ABCA4: variants seen among roughly 807,000 people sequenced by gnomAD.
ABCA4 encodes ATP binding cassette subfamily A member 4.
Under a neutral mutation model 263.7 loss-of-function variants are expected in ABCA4, and 196 were observed. That is an observed-to-expected ratio of 0.74 (90% CI 0.66 to 0.84). The LOEUF (loss-of-function observed/expected upper bound fraction) is 0.84. Ranked by LOEUF, ABCA4 falls within the 40% of genes least tolerant of loss-of-function variation. The probability of loss-of-function intolerance (pLI) is 0.00; values close to 1 mark genes in which losing one functional copy is unlikely to be tolerated. For synonymous variants in ABCA4, 1,133 were observed against 1,094.2 expected, an observed-to-expected ratio of 1.04 and a Z score of -0.70; for missense variants, 2,792 against 2,855.1, an observed-to-expected ratio of 0.98 and a Z score of 0.50.
At chr1:94,016,924 A>T (rs1659763426) in intron 36 of ABCA4, among the ~76,000 whole-genome samples, 1 of 152,138 alleles carries the variant, frequency 6.6e-6, no homozygotes, top group African/African-American at 2.4e-5. Context: ...AGCCTGGAAT[A>T]TCTTGCTGTG....
chr1:94,116,975 T>TTTCTTTC (rs1662791014), intron 1 of ABCA4, among the ~76,000 whole-genome samples: 1 of 94,890 alleles, frequency 1.1e-5, no homozygotes, highest in African/African-American at 4.1e-5. Context: ...TTTCTCTTTC[T>TTTCTTTC]TTCTTTCTTT....
chr1:94,026,696 A>T (rs988677346), intron 30 of ABCA4, among the ~76,000 whole-genome samples: 1 of 152,246 alleles, frequency 6.6e-6, no homozygotes, highest in East Asian at 1.9e-4. Context: ...ATCTCCACAT[A>T]TACTAGAAGT....
chr1:94,115,818 T>TAC (rs1662744540), intron 1 of ABCA4, among the ~76,000 whole-genome samples: 1 of 152,206 alleles, frequency 6.6e-6, no homozygotes, highest in Non-Finnish European at 1.5e-5. Context: ...TGCAACCTTG[T>TAC]AGGCCTGCCC....
At chr1:94,110,926 A>G (rs1283271063) in intron 3 of ABCA4, among the ~76,000 whole-genome samples, 1 of 152,214 alleles carries the variant, frequency 6.6e-6, no homozygotes, top group African/African-American at 2.4e-5. Flanking sequence ...CAATTATAAC[A>G]GAGGATTTGG....
In ABCA4 at chr1:94,111,456, G is replaced by T; in HGVS notation, c.284C>A (p.Ser95Ter). The T allele has an allele frequency of 6.2e-7, 1 of 1,614,076 alleles. No homozygotes were observed. Among genetic ancestry groups the T allele is most frequent in the South Asian group, 1.1e-5 (1 of 91,016 alleles). ...PTPGESPGIV[S>*]NYNNSILARV... is the part of the protein sequence containing the mutation. ...CACTTACATGGAGTTGTTATAGTTT[G>T]ACACAATTCCAGGAGATTCTCCTGG... The change falls in exon 3 of 50, where the codon TCA becomes TAA. Residue 95 changes from serine (S) to a stop codon, truncating the protein, a stop_gained. Coordinates refer to ENST00000370225, the MANE Select transcript of ABCA4 (RefSeq NM_000350.3). LOFTEE classifies it high-confidence loss of function.
In ABCA4 at chr1:94,021,934, A is replaced by G. The variant is rs1762111; in HGVS notation, c.4685T>C (p.Ile1562Thr). The change falls in exon 33 of 50, where the codon ATT becomes ACT. Residue 1562 changes from isoleucine to threonine, a missense_variant. Transcript: ENST00000370225. ...GGGGACGACTGGGAGCTTTCCTCCA[A>G]TGGAAATTCCTCCATACCTGACAAG... Reference protein sequence around the residue: ...VNEQRYGGISIGGKLPVVPIT... With the variant: ...VNEQRYGGISTGGKLPVVPIT... The G allele has an allele frequency of 1.6e-3, 2,523 of 1,614,168 alleles. 3 individuals carry two copies. Among genetic ancestry groups the G allele is most frequent in the Non-Finnish European group, 1.9e-3 (2,295 of 1,180,010 alleles).
chr1:94,081,684 C>G (rs1475775413), intron 7 of ABCA4, among the ~76,000 whole-genome samples: 1 of 152,024 alleles, frequency 6.6e-6, no homozygotes, highest in Non-Finnish European at 1.5e-5. Context: ...GTATCCATTC[C>G]TGGAAAAACA....
At position 94,056,657 on chromosome 1, in the gene ABCA4, G is replaced by A; in HGVS notation, c.2326C>T (p.His776Tyr). 6.2e-6 allele frequency: 10 copies of A among 1,614,066 alleles called. No homozygotes were observed. The highest frequency in any genetic ancestry group is 7.6e-6 in the Non-Finnish European group (9 of 1,180,034). ...TCCTGCCAGGCGAAGCACAGGATGT[G>A]TGGCAGGTAGAGGGTGAAATAGATG... ...GVIYFTLYLP[H>Y]ILCFAWQDRM... Residue 776 changes from histidine (H) to tyrosine (Y), a missense_variant, in exon 15 of 50, where the codon CAC becomes TAC. His to Tyr is a moderately conservative substitution (Grantham distance 83, BLOSUM62 2). Transcript: ENST00000370225.
intron 34 of ABCA4, 69 bp from the exon 35 acceptor site, chr1:94,021,478 A>T: frequency 6.2e-7 from 1 of 1,602,022 alleles, no homozygotes; most frequent in Non-Finnish European, 8.6e-7. Flanking sequence ...AGTGAAGGAA[A>T]GGAAATTTGA....
At chr1:94,068,684 A>C (rs1380700556) in intron 11 of ABCA4, among the ~76,000 whole-genome samples, 1 of 152,244 alleles carries the variant, frequency 6.6e-6, no homozygotes, top group Non-Finnish European at 1.5e-5. Context: ...CTGCTTCTAC[A>C]CTAAGAGTAA....
At chr1:94,056,514 C>T in intron 15 of ABCA4, 87 bp downstream of exon 15, 1 of 1,425,028 alleles carries the variant, frequency 7.0e-7, no homozygotes, top group Non-Finnish European at 9.7e-7. Flanking sequence ...AGTGGACCCC[C>T]TCAGAGGGCA....
chr1:94,069,847 A>T (rs1175658538), intron 11 of ABCA4, among the ~76,000 whole-genome samples: 1 of 152,244 alleles, frequency 6.6e-6, no homozygotes, highest in African/African-American at 2.4e-5. Flanking sequence ...GTAAGGAAAC[A>T]CATGACGACT....
chr1:94,014,470 C>T, intron 38 of ABCA4, 73 bp downstream of exon 38: 3 of 1,557,988 alleles, frequency 1.9e-6, no homozygotes, highest in Non-Finnish European at 2.6e-6. Flanking sequence ...ATGCTTGCCC[C>T]TGGCTCTGCT....
At chr1:94,098,718 C>T in intron 6 of ABCA4, 76 bp downstream of exon 6, 1 of 1,549,018 alleles carries the variant, frequency 6.5e-7, no homozygotes, top group Non-Finnish European at 8.9e-7. Context: ...TCACGCCCTC[C>T]CCAAGGTCAA....
intron 4 of ABCA4, among the ~76,000 whole-genome samples, chr1:94,104,551 C>T (rs930624248): frequency 3.3e-5 from 5 of 152,200 alleles, no homozygotes; most frequent in African/African-American, 1.2e-4. Context: ...CAGCTAGTTT[C>T]CTCTGGAAGG....
intron 41 of ABCA4, 136 bp from the exon 42 acceptor site, chr1:94,008,433 C>T: frequency 2.2e-6 from 2 of 917,680 alleles, no homozygotes; most frequent in South Asian, 2.8e-5. Flanking sequence ...TGGGCAGGCA[C>T]AGAGGTGTGG....
At chr1:94,001,531 C>G (rs1271821081) in intron 45 of ABCA4, 2 of 572,134 alleles carry the variant, frequency 3.5e-6, no homozygotes, top group Non-Finnish European at 6.6e-6. Context: ...TTTGACCCAG[C>G]TCAGTGCTCC....
intron 38 of ABCA4, 138 bp downstream of exon 38, chr1:94,014,405 C>T (rs1659663888): frequency 7.8e-6 from 7 of 892,072 alleles, no homozygotes; most frequent in Non-Finnish European, 1.2e-5. Context: ...GAGGCAGGGT[C>T]GGGGGTAGGG....
At chr1:94,082,870 G>T (rs908320031) in intron 7 of ABCA4, among the ~76,000 whole-genome samples, 5 of 152,108 alleles carry the variant, frequency 3.3e-5, no homozygotes, top group African/African-American at 9.7e-5. Flanking sequence ...TAAAATGTGC[G>T]CATCTTTTTA....
Sources: gnomAD v4.1 joint callset for allele counts (sites outside exome capture counted in the v4.1 genomes callset) on GRCh38, gnomAD v4.1.1 for gene constraint, MANE v1.5 for transcripts, NCBI Gene and HGNC (gene_info 2026-07-23, HGNC 2026-07-21) for gene names.